UBR4: variants seen among roughly 807,000 people sequenced by gnomAD.
UBR4 encodes the protein ubiquitin protein ligase E3 component n-recognin 4.
A neutral mutation model predicts 575.6 loss-of-function variants in UBR4; 124 were observed. The ratio of observed to expected loss-of-function variants is 0.22; its 90% confidence interval spans 0.19 to 0.25. UBR4 has a LOEUF of 0.25. UBR4 is among the 10% of genes least tolerant of loss of function. UBR4 has a pLI of 1.00. For synonymous variants in UBR4, 2,455 were observed against 2,473.7 expected (o/e 0.99, Z 0.22); for missense variants, 4,818 against 6,478.8 (o/e 0.74, Z 8.80).
chr1:19,137,463 T>C (rs1022188559), intron 60 of UBR4, among the ~76,000 whole-genome samples: 1 of 152,246 alleles, frequency 6.6e-6, no homozygotes, highest in Non-Finnish European at 1.5e-5. Context: ...CATCTAGTAC[T>C]AAACCCCAAC....
At position 19,097,102 on chromosome 1, in the gene UBR4, AGAGAAGCAACT is replaced by A. The variant is rs1376222557; in HGVS notation, c.13390+80_13390+90del. Reference sequence around the variant, plus strand: ...CACAATTCTGATGCAGAGGTACAAGAGAGAAGCAACTGAGAATGCCCCTAAGTCCTGGGACG... The same window carrying A: ...CACAATTCTGATGCAGAGGTACAAGAGAGAATGCCCCTAAGTCCTGGGACG... On this transcript the variant is annotated intron_variant, in intron 91 of 105. Transcript: ENST00000375254. The A allele has an allele frequency of 1.9e-4, 199 of 1,055,808 alleles. No individual in the cohort carries two copies. The African/African-American group carries it at 2.9e-3, about 15-fold the overall frequency. The allele number at this position is 1,055,808 out of a possible 1,614,324, so 65.4% of individuals were successfully genotyped here.
chr1:19,173,873 G>A (rs1171838327), intron 22 of UBR4, among the ~76,000 whole-genome samples: 1 of 152,218 alleles, frequency 6.6e-6, no homozygotes, highest in Admixed American at 6.5e-5. Context: ...GCTATTCCAA[G>A]ACAACTTTGG....
rs776195451 is a variant in UBR4 at position 19,121,287 on chromosome 1, G to A, written c.10043C>T (p.Ser3348Phe). Residue 3348 changes from serine (S) to phenylalanine (F), a missense_variant, in exon 68 of 106, where the codon TCC becomes TTC. By Grantham distance (155) the Ser-to-Phe change is radical. Transcript: ENST00000375254. ...AGAACTGGCAGCCACAGGGGCTGAGGAGGAAGAAGCACTGGAGGATCCCGA... is the reference window on the plus strand; with the variant it reads ...AGAACTGGCAGCCACAGGGGCTGAGAAGGAAGAAGCACTGGAGGATCCCGA... ...ASSGSSSASS[S>F]SAPVAASSGQ... 2 of 1,614,220 alleles carry A rather than the reference G, an allele frequency of 1.2e-6. No homozygotes were observed. Among genetic ancestry groups the A allele is most frequent in the East Asian group, 2.2e-5 (1 of 44,886 alleles).
intron 65 of UBR4, among the ~76,000 whole-genome samples, chr1:19,123,944 C>G (rs544452307): frequency 6.6e-6 from 1 of 152,276 alleles, no homozygotes; most frequent in South Asian, 2.1e-4. Flanking sequence ...CCAGCTGGCT[C>G]CCTCTTAGGT....
At chr1:19,199,822 A>G (rs1216049671) in intron 2 of UBR4, 68 bp from the exon 3 acceptor site, 4 of 1,401,588 alleles carry the variant, frequency 2.9e-6, no homozygotes, top group Non-Finnish European at 4.0e-6. Flanking sequence ...AAGCAAAGTA[A>G]GTATTGAGCT....
intron 70 of UBR4, 39 bp downstream of exon 70, chr1:19,119,518 A>G: frequency 6.3e-7 from 1 of 1,593,940 alleles, no homozygotes; most frequent in Non-Finnish European, 8.6e-7. Flanking sequence ...AAGGTTAAAT[A>G]TGGCAAGTTG....
At chr1:19,083,912 C>T (rs1314704285) in intron 102 of UBR4, among the ~76,000 whole-genome samples, 1 of 152,168 alleles carries the variant, frequency 6.6e-6, no homozygotes. Context: ...TTTTTCCTGG[C>T]TGCCTTCCTT....
intron 64 of UBR4, among the ~76,000 whole-genome samples, chr1:19,125,895 G>A (rs1478309668): frequency 6.6e-6 from 1 of 152,142 alleles, no homozygotes; most frequent in Non-Finnish European, 1.5e-5. Flanking sequence ...CTTTACAAAG[G>A]GCACCTCATT....
chr1:19,199,800 G>T, intron 2 of UBR4, 46 bp from the exon 3 acceptor site: 2 of 1,546,012 alleles, frequency 1.3e-6, no homozygotes, highest in South Asian at 1.1e-5. Context: ...GCTCAGCGTT[G>T]GTCAATAAAT....
Position 19,160,990 on chromosome 1 carries a change from G to A in UBR4, c.5333C>T (p.Ala1778Val). ...AKVTISDGKV[A>V]DEEKPKKSSL... ...GCTCTTCTTGGGCTTCTCTTCGTCAGCAACCTTTCCATCACTGATGGTAAC... is the reference window on the plus strand; with the variant it reads ...GCTCTTCTTGGGCTTCTCTTCGTCAACAACCTTTCCATCACTGATGGTAAC... Residue 1778 changes from alanine (A) to valine (V), a missense_variant, in exon 38 of 106, where the codon GCT becomes GTT. Around this residue, in one of 29 missense-constraint regions of UBR4, gnomAD observed 159 missense variants for 174.6 expected, o/e 0.91. Coordinates refer to ENST00000375254, the MANE Select transcript of UBR4 (RefSeq NM_020765.3). 6.2e-7 allele frequency: 1 copy of A among 1,614,164 alleles called. No homozygotes were observed. The highest frequency in any genetic ancestry group is 8.5e-7 in the Non-Finnish European group (1 of 1,180,022).
intron 20 of UBR4, among the ~76,000 whole-genome samples, chr1:19,176,224 A>AT (rs2090246144): frequency 6.6e-6 from 1 of 151,970 alleles, no homozygotes; most frequent in South Asian, 2.1e-4. Context: ...AGTAGCTGGG[A>AT]TTACAGGTAG....
rs1187441645 is a variant in UBR4, at chr1:19,093,760, C to T, written c.13937+189G>A. 6.6e-6 allele frequency among the ~76,000 whole-genome samples: 1 copy of T among 152,186 alleles called. No homozygotes were observed. The highest frequency in any genetic ancestry group is 2.4e-5 in the African/African-American group (1 of 41,444). On this transcript the variant is annotated intron_variant, in intron 95 of 105. Transcript: ENST00000375254. This position sits in a 1 kb window ranked among gnomAD's most constrained non-coding sequence, Gnocchi z 4.8. ...TCACCAACCACTTTGCCTTCTCTGACTAGCCAATTGCTACTCTAATACAGT... is the reference window on the plus strand; with the variant it reads ...TCACCAACCACTTTGCCTTCTCTGATTAGCCAATTGCTACTCTAATACAGT...
chr1:19,075,027 C>A, intron 105 of UBR4, 131 bp from the exon 106 acceptor site: 1 of 901,604 alleles, frequency 1.1e-6, no homozygotes, highest in Non-Finnish European at 1.8e-6. Flanking sequence ...GCTCACTGGA[C>A]AGCAGCATGA....
intron 51 of UBR4, among the ~76,000 whole-genome samples, chr1:19,147,651 C>T (rs1216802795): frequency 1.3e-5 from 2 of 152,218 alleles, no homozygotes; most frequent in South Asian, 2.1e-4. Context: ...CCTGAGGGAG[C>T]GAAAACACTA....
At chr1:19,209,814 C>G (rs1228286642) in intron 1 of UBR4, among the ~76,000 whole-genome samples, 1 of 152,226 alleles carries the variant, frequency 6.6e-6, no homozygotes, top group Non-Finnish European at 1.5e-5. Context: ...TCACTCTCAA[C>G]CATGTCCGGC....
chr1:19,074,946 C>T, intron 105 of UBR4, 50 bp from the exon 106 acceptor site: 2 of 1,596,946 alleles, frequency 1.3e-6, no homozygotes, highest in Non-Finnish European at 1.7e-6. Flanking sequence ...ATACAGCCCC[C>T]ATTCCCCCTG....
At chr1:19,092,740 G>GT in intron 97 of UBR4, 79 bp downstream of exon 97, 3 of 1,188,586 alleles carry the variant, frequency 2.5e-6, no homozygotes, top group Non-Finnish European at 2.4e-6. Context: ...ATATATTAGG[G>GT]TAAGTCATGT....
chr1:19,166,867 C>A (rs993750880), intron 29 of UBR4, among the ~76,000 whole-genome samples, 155 bp downstream of exon 29: 1 of 151,620 alleles, frequency 6.6e-6, no homozygotes, highest in African/African-American at 2.4e-5. Context: ...CTGCACTCCA[C>A]CCTGGGCGAC....
chr1:19,094,671 T>C (rs1388745724), intron 94 of UBR4, among the ~76,000 whole-genome samples: 1 of 152,268 alleles, frequency 6.6e-6, no homozygotes, highest in East Asian at 1.9e-4. Flanking sequence ...CAGGATTCCA[T>C]TAACGAGCAG....
Sources: gnomAD v4.1 joint callset for allele counts (sites outside exome capture counted in the v4.1 genomes callset) on GRCh38, gnomAD v4.1.1 for gene constraint, gnomAD v4.1.1 regional missense constraint, Gnocchi (gnomAD v3.1) non-coding constraint, MANE v1.5 for transcripts, NCBI Gene and HGNC (gene_info 2026-07-23, HGNC 2026-07-21) for gene names.